Variants in PTCHD4 observed in about 807,000 individuals in gnomAD.
The protein encoded by PTCHD4 is patched domain-containing protein 4.
PTCHD4 carries 33 observed loss-of-function variants against 58.1 expected under a neutral mutation model. That is an observed-to-expected ratio of 0.57 (90% CI 0.43 to 0.76). The LOEUF is 0.76. Among genes scored for constraint, PTCHD4 ranks in the 30% least tolerant of loss-of-function variants. The pLI is 0.00. For synonymous variants in PTCHD4, 478 were observed against 409.6 expected (o/e 1.17, Z -2.02); for missense variants, 1,058 against 1,027.1 (o/e 1.03, Z -0.41).
chr6:48,041,812 C>T (rs1763858121), intron 3 of PTCHD4, among the ~76,000 whole-genome samples: 2 of 151,962 alleles, frequency 1.3e-5, no homozygotes, highest in Admixed American at 1.3e-4. Flanking sequence ...CATGTAGTCA[C>T]ATCTTTATTT....
chr6:48,090,042 C>T (rs1765334384), intron 1 of PTCHD4, among the ~76,000 whole-genome samples: 1 of 152,118 alleles, frequency 6.6e-6, no homozygotes, highest in Non-Finnish European at 1.5e-5. Context: ...CAGTCCTTAT[C>T]ACTAGATGTA....
intron 4 of PTCHD4, among the ~76,000 whole-genome samples, chr6:47,895,494 G>T (rs1762196794): frequency 6.6e-6 from 1 of 152,182 alleles, no homozygotes; most frequent in Non-Finnish European, 1.5e-5. Context: ...TCAAGAGGTA[G>T]ATTAGTTAAC....
intron 4 of PTCHD4, among the ~76,000 whole-genome samples, chr6:47,884,950 A>AT (rs979555760): frequency 1.6e-4 from 25 of 151,934 alleles, no homozygotes; most frequent in Non-Finnish European, 2.9e-4. Context: ...TATAATTGTT[A>AT]TTTTTTTTCC....
At position 47,878,198 on chromosome 6, in the gene PTCHD4, G is replaced by T; in HGVS notation, c.*105C>A. On this transcript the variant is annotated 3_prime_UTR_variant, in exon 5 of 5. Transcript: ENST00000339488. ...GAATAATGCACTCTTGATCTGACTT[G>T]CCTTGTTACCCCTGGCCAGCCCAAG... 1 of 969,994 alleles carries T rather than the reference G, an allele frequency of 1.0e-6. No homozygotes were observed. Among genetic ancestry groups the T allele is most frequent in the South Asian group, 1.7e-5 (1 of 60,082 alleles). The allele number at this position is 969,994 out of a possible 1,614,324, so 60.1% of individuals were successfully genotyped here.
intron 3 of PTCHD4, among the ~76,000 whole-genome samples, chr6:48,015,239 C>G (rs765795736): frequency 1.3e-5 from 2 of 151,980 alleles, no homozygotes; most frequent in Non-Finnish European, 2.9e-5. Context: ...GTTCCTAGCT[C>G]ATATCCCTGT....
chr6:48,079,423 G>A (rs1765122048), intron 1 of PTCHD4, among the ~76,000 whole-genome samples: 1 of 152,074 alleles, frequency 6.6e-6, no homozygotes, highest in African/African-American at 2.4e-5. Flanking sequence ...CAACTGGGAT[G>A]TTGCCACTTA....
At chr6:48,022,058 TAAAAC>T (rs1311277859) in intron 3 of PTCHD4, among the ~76,000 whole-genome samples, 2 of 152,128 alleles carry the variant, frequency 1.3e-5, no homozygotes, top group African/African-American at 4.8e-5. Context: ...AATCTTTTGA[TAAAAC>T]AAAAGTGACA....
chr6:47,899,865 C>T (rs1277779463), intron 4 of PTCHD4: 3 of 152,180 alleles, frequency 2.0e-5, no homozygotes, highest in Non-Finnish European at 2.9e-5. Flanking sequence ...CTGAACATTT[C>T]ATATATATAG....
At chr6:47,939,349 A>G (rs1274320261) in intron 4 of PTCHD4, among the ~76,000 whole-genome samples, 1 of 152,124 alleles carries the variant, frequency 6.6e-6, no homozygotes, top group Admixed American at 6.5e-5. Context: ...GTTGGAGACT[A>G]TATTTGGAAA....
intron 1 of PTCHD4, among the ~76,000 whole-genome samples, chr6:48,110,579 T>C (rs1016764232): frequency 1.3e-5 from 2 of 151,384 alleles, no homozygotes; most frequent in African/African-American, 4.8e-5. Context: ...TCATAGTTAA[T>C]AATATTGTAT....
In PTCHD4 at chr6:48,068,585, C is replaced by A. The variant is rs777003835; in HGVS notation, c.62G>T (p.Arg21Leu). 2 of 1,561,758 alleles carry A rather than the reference C, an allele frequency of 1.3e-6. No individual in the cohort carries two copies. Among genetic ancestry groups the A allele is most frequent in the South Asian group, 1.2e-5 (1 of 86,088 alleles). ...IWWRMLRQVL[R>L]RGLQSFCHRL... ...GTGGCAGAACGACTGGAGCCCTCTGCGAAGCACCTGCCGCAGCATCCTCCA... is the reference window on the plus strand; with the variant it reads ...GTGGCAGAACGACTGGAGCCCTCTGAGAAGCACCTGCCGCAGCATCCTCCA... Residue 21 changes from arginine to leucine, a missense_variant, in exon 3 of 5, where the codon CGC becomes CTC. Coordinates refer to ENST00000339488, the MANE Select transcript of PTCHD4 (RefSeq NM_001384253.1). The surrounding 1 kb of genome is among the most constrained non-coding windows in gnomAD (Gnocchi z 4.2).
rs764256595 is a variant in PTCHD4, at chr6:48,008,740, C to A, written c.792G>T (p.Leu264=). 4.4e-5 allele frequency: 71 copies of A among 1,613,792 alleles called. No homozygotes were observed. Among genetic ancestry groups the A allele is most frequent in the Non-Finnish European group, 5.5e-5 (65 of 1,179,892 alleles). Reference sequence around the variant, plus strand: ...TGGAGATGCATACTGTGAGCACCCCCAGGAGGCCCAGGAAGGGCTTACTGC... The same window carrying A: ...TGGAGATGCATACTGTGAGCACCCCAAGGAGGCCCAGGAAGGGCTTACTGC... The part of the protein sequence containing the change: ...CLRSKPFLGL[L]GVLTVCISII... Residue 264 remains leucine, a synonymous_variant, in exon 4 of 5, where the codon CTG becomes CTT. Transcript: ENST00000339488.
At chr6:47,886,734 A>G (rs942109526) in intron 4 of PTCHD4, among the ~76,000 whole-genome samples, 1 of 152,212 alleles carries the variant, frequency 6.6e-6, no homozygotes, top group Non-Finnish European at 1.5e-5. Context: ...ATTTTAAGTT[A>G]TTGTTCACTT....
intron 3 of PTCHD4, among the ~76,000 whole-genome samples, chr6:48,013,833 G>T (rs1296678405): frequency 1.3e-5 from 2 of 152,078 alleles, no homozygotes; most frequent in Admixed American, 1.3e-4. Flanking sequence ...TTTCTCAAGA[G>T]ATCTTTAGCA....
intron 1 of PTCHD4, among the ~76,000 whole-genome samples, chr6:48,104,197 G>C (rs1423322340): frequency 2.0e-5 from 3 of 152,218 alleles, no homozygotes; most frequent in African/African-American, 7.2e-5. Context: ...AGGGCAGCCA[G>C]AGAGAAAGGT....
intron 3 of PTCHD4, among the ~76,000 whole-genome samples, chr6:48,010,347 T>C (rs1258959845): frequency 2.0e-5 from 3 of 152,150 alleles, no homozygotes; most frequent in African/African-American, 7.2e-5. Context: ...AACTCAATAG[T>C]GTGATAACTC....
chr6:48,103,107 G>C (rs1765642816), intron 1 of PTCHD4, among the ~76,000 whole-genome samples: 1 of 152,182 alleles, frequency 6.6e-6, no homozygotes, highest in Non-Finnish European at 1.5e-5. Context: ...AGAGAGTAGT[G>C]GTTCTCCCAG....
chr6:48,005,966 T>C (rs141452577), intron 4 of PTCHD4, among the ~76,000 whole-genome samples: 77 of 152,288 alleles, frequency 5.1e-4, no homozygotes, highest in Non-Finnish European at 1.0e-3. Context: ...CAGTTCTCAA[T>C]CTTGGCCTCT....
intron 4 of PTCHD4, among the ~76,000 whole-genome samples, chr6:47,916,341 C>A (rs1481020344): frequency 6.6e-6 from 1 of 152,150 alleles, no homozygotes; most frequent in African/African-American, 2.4e-5. Flanking sequence ...ACCCCAGAAT[C>A]CAAGCATTGG....
Sources: allele counts gnomAD v4.1 joint callset (sites outside exome capture counted in the v4.1 genomes callset), GRCh38; gene constraint gnomAD v4.1.1; non-coding constraint Gnocchi (gnomAD v3.1); transcripts MANE v1.5; gene names NCBI Gene and HGNC (gene_info 2026-07-23, HGNC 2026-07-21).